Variants in C9orf85 observed in about 807,000 individuals in gnomAD.
C9orf85 encodes uncharacterized protein C9orf85.
In C9orf85, 16 loss-of-function variants were observed where a neutral mutation model predicts 14.9. The ratio of observed to expected loss-of-function variants is 1.08; its 90% CI spans 0.73 to 1.63. The LOEUF (loss-of-function observed/expected upper bound fraction) is 1.63. Among genes scored for constraint, C9orf85 ranks in the 40% most tolerant of loss-of-function variants. C9orf85 has a pLI of 0.00. For synonymous variants in C9orf85, 45 were observed against 56.8 expected (o/e 0.79, Z 0.93); for missense variants, 172 against 186.1 (o/e 0.92, Z 0.44).
intron 1 of C9orf85, among the ~76,000 whole-genome samples, chr9:71,942,130 G>A (rs1206479307): frequency 1.3e-5 from 2 of 152,096 alleles, no homozygotes; most frequent in African/African-American, 4.8e-5. Flanking sequence ...TGACTATCAG[G>A]GATCTGTACC....
At chr9:71,966,214 C>T (rs748936744) in intron 2 of C9orf85, among the ~76,000 whole-genome samples, 4 of 152,200 alleles carry the variant, frequency 2.6e-5, no homozygotes, top group African/African-American at 9.7e-5. Flanking sequence ...GACCATGAGG[C>T]ATGCCTGGAG....
chr9:71,948,822 C>T (rs879485978), intron 2 of C9orf85, among the ~76,000 whole-genome samples: 1 of 149,334 alleles, frequency 6.7e-6, no homozygotes, highest in Admixed American at 6.7e-5. Context: ...CGCCCCCCCC[C>T]CCCCCTTTAA....
downstream of C9orf85, among the ~76,000 whole-genome samples, chr9:71,977,373 A>G (rs1243890070): frequency 1.3e-5 from 2 of 152,258 alleles, no homozygotes; most frequent in Admixed American, 6.5e-5. Context: ...CTATGGCAAA[A>G]AGAGAAAGAT....
intron 1 of C9orf85, among the ~76,000 whole-genome samples, chr9:71,912,909 G>T (rs1232793350): frequency 6.6e-6 from 1 of 151,984 alleles, no homozygotes; most frequent in African/African-American, 2.4e-5. Flanking sequence ...CTACTAATTT[G>T]CTCTTTGCTG....
At chr9:71,970,136 C>T (rs184261255) in intron 2 of C9orf85, among the ~76,000 whole-genome samples, 22 of 152,106 alleles carry the variant, frequency 1.4e-4, no homozygotes, top group Admixed American at 9.2e-4. Context: ...TTAGTAGGGA[C>T]GGGGTTTCAC....
At chr9:71,982,905 A>C (rs181057315) in exon 4 of C9orf85, 30 of 246,652 alleles carry the variant, frequency 1.2e-4, no homozygotes, top group African/African-American at 7.1e-4. Context: ...AAGTGCTGGA[A>C]TTACAGGTGT....
chr9:71,952,186 T>G (rs930829376), intron 2 of C9orf85, among the ~76,000 whole-genome samples: 1 of 152,182 alleles, frequency 6.6e-6, no homozygotes, highest in African/African-American at 2.4e-5. Flanking sequence ...TCCTTTTCTC[T>G]CAGTGATTTC....
In C9orf85 at chr9:71,972,980, C is replaced by T; in HGVS notation, c.*138C>T. The T allele has an allele frequency of 2.0e-6, 1 of 510,994 alleles. No individual in the cohort carries two copies. The highest frequency in any genetic ancestry group is 2.9e-5 in the South Asian group (1 of 33,942). The allele number at this position is 510,994 out of a possible 1,614,324, so 31.7% of individuals were successfully genotyped here. On this transcript the variant is annotated 3_prime_UTR_variant, in exon 4 of 4. Transcript: ENST00000334731. Reference sequence around the variant, plus strand: ...CCAACATGGCGGAACCCCATCTCCACTAAAAGTACAAAAAATTAGCTGGGC... The same window carrying T: ...CCAACATGGCGGAACCCCATCTCCATTAAAAGTACAAAAAATTAGCTGGGC...
chr9:71,928,177 G>C (rs1300469186), intron 1 of C9orf85, among the ~76,000 whole-genome samples: 1 of 110,984 alleles, frequency 9.0e-6, no homozygotes, highest in South Asian at 3.2e-4. Context: ...ACAGAATGAG[G>C]CTCTGTCTCA....
At chr9:71,981,918 T>G (rs1301298997) in intron 3 of C9orf85, among the ~76,000 whole-genome samples, 1 of 152,202 alleles carries the variant, frequency 6.6e-6, no homozygotes, top group Non-Finnish European at 1.5e-5. Flanking sequence ...AATTTACATG[T>G]GTAAGACTCA....
chr9:71,973,618 T>G (rs1822946191), downstream of C9orf85, among the ~76,000 whole-genome samples: 1 of 152,188 alleles, frequency 6.6e-6, no homozygotes, highest in Non-Finnish European at 1.5e-5. Context: ...GCATATAATT[T>G]ATACACTTTA....
In C9orf85 at chr9:71,973,016, A is replaced by C; in HGVS notation, c.*174A>C. ...AAAAATTAGCTGGGCGTGGTGGCTC[A>C]TGCCTGTAATCCCAGCTACTCAGGA... is the stretch of plus-strand genomic sequence containing the variant. On this transcript the variant is annotated 3_prime_UTR_variant, in exon 4 of 4. Coordinates refer to ENST00000334731, the MANE Select transcript of C9orf85 (RefSeq NM_182505.5). 2 of 327,542 alleles carry C rather than the reference A, an allele frequency of 6.1e-6. No homozygotes were observed. Among genetic ancestry groups the C allele is most frequent in the Non-Finnish European group, 1.2e-5 (2 of 171,028 alleles). The allele number at this position is 327,542 out of a possible 1,614,324, so 20.3% of individuals were successfully genotyped here. A position where few individuals can be genotyped will look rare whatever the true frequency, so the allele number is the denominator to read the frequency against.
chr9:71,940,903 T>C (rs1821911603), intron 1 of C9orf85, among the ~76,000 whole-genome samples: 1 of 152,216 alleles, frequency 6.6e-6, no homozygotes, highest in Non-Finnish European at 1.5e-5. Context: ...CTCAAATGGC[T>C]ATATACTTAA....
At chr9:71,975,788 C>G (rs572340357), downstream of C9orf85, among the ~76,000 whole-genome samples, 1 of 152,180 alleles carries the variant, frequency 6.6e-6, no homozygotes, top group Non-Finnish European at 1.5e-5. Flanking sequence ...GCCAAGATAG[C>G]GCTATTGCAC....
chr9:71,965,776 A>G (rs1379674832), intron 2 of C9orf85, among the ~76,000 whole-genome samples: 1 of 152,188 alleles, frequency 6.6e-6, no homozygotes, highest in Admixed American at 6.5e-5. Context: ...TTTATCAAGA[A>G]ACATGTAAAC....
intron 1 of C9orf85, among the ~76,000 whole-genome samples, chr9:71,919,410 C>T (rs1827734929): frequency 6.6e-6 from 1 of 152,178 alleles, no homozygotes; most frequent in African/African-American, 2.4e-5. Context: ...ATAGAATCTA[C>T]CATAGATCTG....
At chr9:71,930,676 A>G (rs1000195600) in intron 1 of C9orf85, among the ~76,000 whole-genome samples, 1 of 151,436 alleles carries the variant, frequency 6.6e-6, no homozygotes, top group Non-Finnish European at 1.5e-5. Context: ...ATGGTGGCAC[A>G]TGCCTGTGGT....
At chr9:71,976,338 T>G (rs1162613444), downstream of C9orf85, among the ~76,000 whole-genome samples, 1 of 152,158 alleles carries the variant, frequency 6.6e-6, no homozygotes, top group Admixed American at 6.5e-5. Context: ...GTGCCAAAGC[T>G]CTGATCATAA....
Position 71,971,592 on chromosome 9 carries a change from T to A in C9orf85, c.297T>A (p.Cys99Ter), listed in dbSNP as rs562350593. Residue 99 changes from cysteine (C) to a stop codon, truncating the protein, a stop_gained, in exon 3 of 4, where the codon TGT becomes TGA. Transcript: ENST00000334731. LOFTEE classifies it low-confidence loss of function (END_TRUNC). ...GTGAACTTGAAGTTTGCGCAAAATG[T>A]GGAAAGAAAGAAGACATTGTTATTC... ...CACELEVCAK[C>*]GKKEDIVIPL... 13 of 1,611,444 alleles carry A rather than the reference T, an allele frequency of 8.1e-6. No homozygotes were observed. In the African/African-American group the frequency reaches 1.7e-4, roughly 21 times the overall value.
Sources: gnomAD v4.1 joint callset for allele counts (sites outside exome capture counted in the v4.1 genomes callset) on GRCh38, gnomAD v4.1.1 for gene constraint, MANE v1.5 for transcripts, NCBI Gene and HGNC (gene_info 2026-07-23, HGNC 2026-07-21) for gene names.